The following DENND2B variants were observed in gnomAD, a reference collection of about 807,000 sequenced individuals.
DENND2B encodes DENN domain-containing protein 2B.
DENND2B carries 32 observed loss-of-function variants against 116.0 expected under a neutral mutation model. The ratio of observed to expected loss-of-function variants is 0.28; its 90% CI spans 0.21 to 0.37. DENND2B has a LOEUF of 0.37. Ranked by LOEUF, DENND2B falls within the 10% of genes least tolerant of loss-of-function variation. The pLI, the probability that DENND2B is intolerant of heterozygous loss-of-function variation, is 1.00. For synonymous variants in DENND2B, 588 were observed against 583.9 expected (o/e 1.01, Z -0.10); for missense variants, 1,276 against 1,477.7 (o/e 0.86, Z 2.24).
chr11:8,760,883 G>GT (rs1852044702), intron 1 of DENND2B, among the ~76,000 whole-genome samples: 1 of 152,108 alleles, frequency 6.6e-6, no homozygotes, highest in African/African-American at 2.4e-5. Flanking sequence ...ACAGGCCCCC[G>GT]TGAGGCTGAA....
chr11:8,713,924 T>C, intron 8 of DENND2B, 74 bp downstream of exon 8: 1 of 1,516,208 alleles, frequency 6.6e-7, no homozygotes, highest in African/African-American at 1.4e-5. Context: ...GAACCACACA[T>C]GCATCGGAAG....
At chr11:8,719,322 G>C (rs955222856) in intron 4 of DENND2B, among the ~76,000 whole-genome samples, 1 of 152,184 alleles carries the variant, frequency 6.6e-6, no homozygotes, top group Non-Finnish European at 1.5e-5. Context: ...TGCTCTAACA[G>C]AGTTAGGGTG....
At chr11:8,848,067 G>T (rs1232033232) in intron 3 of DENND2B, among the ~76,000 whole-genome samples, 3 of 152,086 alleles carry the variant, frequency 2.0e-5, no homozygotes, top group Non-Finnish European at 1.5e-5. Flanking sequence ...ATAAGAAAAA[G>T]AAAAAACTCA....
At chr11:8,856,765 T>C (rs2063209712) in intron 3 of DENND2B, among the ~76,000 whole-genome samples, 1 of 151,760 alleles carries the variant, frequency 6.6e-6, no homozygotes. Context: ...TTTTTTTTTT[T>C]TCTTTCTTCA....
intron 1 of DENND2B, among the ~76,000 whole-genome samples, chr11:8,755,708 GA>G (rs2053491662): frequency 6.6e-6 from 1 of 152,044 alleles, no homozygotes; most frequent in Non-Finnish European, 1.5e-5. Flanking sequence ...GGCTGGTCTC[GA>G]ACTGCTGGTC....
At chr11:8,733,052 G>A (rs768856770) in intron 2 of DENND2B, among the ~76,000 whole-genome samples, 8 of 152,222 alleles carry the variant, frequency 5.3e-5, no homozygotes, top group Non-Finnish European at 1.0e-4. Flanking sequence ...GTTTTTCAAA[G>A]GGCAAGTCAA....
chr11:8,813,530 ATC>A (rs1223239394), upstream of DENND2B, among the ~76,000 whole-genome samples: 2 of 152,166 alleles, frequency 1.3e-5, no homozygotes, highest in Non-Finnish European at 2.9e-5. Context: ...CCCAGTCTCC[ATC>A]CTGAGAAAGA....
In DENND2B at chr11:8,846,943, G is replaced by A. The variant is rs553321970; in HGVS notation, c.-155-7593C>T. 4.6e-5 allele frequency among the ~76,000 whole-genome samples: 7 copies of A among 152,248 alleles called. No individual in the cohort carries two copies. In the South Asian group the frequency reaches 6.2e-4, roughly 14 times the overall value. On this transcript the variant is annotated intron_variant, in intron 3 of 6. Transcript: ENST00000524757. ...GTGACCCCTCAATGCTTTACTGTGC[G>A]GGACACCTACTTGCTTACAGTTCCA...
Position 8,702,928 on chromosome 11 carries a change from A to G in DENND2B, c.2572-208T>C, listed in dbSNP as rs1347194021. Reference sequence around the variant, plus strand: ...CACTCGAACACCCAGCCTGTGGGCAAGAGGGCTGCCTGTGAAAGCGGGGAA... The same window carrying G: ...CACTCGAACACCCAGCCTGTGGGCAGGAGGGCTGCCTGTGAAAGCGGGGAA... On this transcript the variant is annotated intron_variant, in intron 13 of 19. Transcript: ENST00000313726. This position sits in a 1 kb window ranked among gnomAD's most constrained non-coding sequence, Gnocchi z 4.6. 1 of 623,246 alleles carries G rather than the reference A, an allele frequency of 1.6e-6. No homozygotes were observed. The highest frequency in any genetic ancestry group is 2.9e-5 in the East Asian group (1 of 33,972). The allele number at this position is 623,246 out of a possible 1,614,324, so 38.6% of individuals were successfully genotyped here.
intron 1 of DENND2B, chr11:8,771,527 T>TAGAGAGAGAGAGAGAGAG (rs1396500115): frequency 2.6e-5 from 1 of 37,868 alleles, no homozygotes; most frequent in African/African-American, 1.2e-4. Context: ...TGTATATATA[T>TAGAGAGAGAGAGAGAGAG]ACAGAGAGAG....
chr11:8,846,820 A>T (rs1046414829), intron 3 of DENND2B, among the ~76,000 whole-genome samples: 8 of 152,130 alleles, frequency 5.3e-5, no homozygotes, highest in African/African-American at 1.9e-4. Flanking sequence ...TCCATGATCC[A>T]TTTGTATTTT....
At chr11:8,776,247 C>A (rs1051090684) in intron 1 of DENND2B, 12 of 456,064 alleles carry the variant, frequency 2.6e-5, no homozygotes, top group Non-Finnish European at 5.3e-5. Flanking sequence ...CCATTTCTGC[C>A]CCATGTTTCT....
intron 4 of DENND2B, 33 bp downstream of exon 4, chr11:8,726,040 G>T (rs756509718): frequency 1.2e-6 from 2 of 1,613,184 alleles, no homozygotes; most frequent in South Asian, 2.2e-5. Flanking sequence ...AGCCCCCTGA[G>T]ATGACCCAGG....
intron 2 of DENND2B, among the ~76,000 whole-genome samples, chr11:8,740,657 G>A (rs982797808): frequency 1.3e-5 from 2 of 152,200 alleles, no homozygotes; most frequent in South Asian, 2.1e-4. Context: ...CCTGTCTGCA[G>A]GTGAAGGTTA....
At chr11:8,822,233 C>T (rs1442911864) in intron 4 of DENND2B, among the ~76,000 whole-genome samples, 2 of 152,050 alleles carry the variant, frequency 1.3e-5, no homozygotes, top group East Asian at 3.8e-4. Flanking sequence ...GACAAAAGTT[C>T]TATATACTAA....
chr11:8,906,164 A>G (rs1172771676), intron 1 of DENND2B, among the ~76,000 whole-genome samples: 1 of 150,876 alleles, frequency 6.6e-6, no homozygotes, highest in East Asian at 2.0e-4. Flanking sequence ...GGTAAATTTT[A>G]TCATATGTAC....
At chr11:8,782,134 C>T (rs530847796) in intron 1 of DENND2B, among the ~76,000 whole-genome samples, 1 of 152,320 alleles carries the variant, frequency 6.6e-6, no homozygotes, top group East Asian at 1.9e-4. Context: ...AAAAATTAGA[C>T]TTTAACCATT....
chr11:8,733,434 C>G (rs2048438382), intron 2 of DENND2B, among the ~76,000 whole-genome samples: 1 of 152,176 alleles, frequency 6.6e-6, no homozygotes, highest in Admixed American at 6.5e-5. Flanking sequence ...TAGTGAGCAC[C>G]TACTCTGTGC....
chr11:8,750,761 A>G, intron 1 of DENND2B, 36 bp from the exon 2 acceptor site: 4 of 1,602,542 alleles, frequency 2.5e-6, no homozygotes, highest in Non-Finnish European at 3.4e-6. Context: ...CCAAGTTTCT[A>G]TAGGCAGCCA....
Sources: gnomAD v4.1 joint callset for allele counts (sites outside exome capture counted in the v4.1 genomes callset) on GRCh38, gnomAD v4.1.1 for gene constraint, Gnocchi (gnomAD v3.1) non-coding constraint, MANE v1.5 for transcripts, NCBI Gene and HGNC (gene_info 2026-07-23, HGNC 2026-07-21) for gene names.